CELF2: variants seen among roughly 807,000 people sequenced by gnomAD.
The protein encoded by CELF2 is CUG triplet repeat RNA-binding protein 2.
In CELF2, 8 loss-of-function variants were observed where a neutral mutation model predicts 62.6. The ratio of observed to expected loss-of-function variants is 0.13; its 90% confidence interval spans 0.07 to 0.23. CELF2 has a LOEUF of 0.23. Ranked by LOEUF, CELF2 falls within the 10% of genes least tolerant of loss-of-function variation. The pLI, the probability that CELF2 is intolerant of heterozygous loss-of-function variation, is 1.00. For synonymous variants in CELF2, 258 were observed against 250.0 expected (o/e 1.03, Z -0.30); for missense variants, 333 against 671.0 (o/e 0.50, Z 5.56).
chr10:10,541,617 T>G, the CELF2 span, among the ~76,000 whole-genome samples: 1 of 152,218 alleles, frequency 6.6e-6, no homozygotes, highest in Admixed American at 6.5e-5. Flanking sequence ...TTTCTAATGT[T>G]GCCATGGTGT....
Position 10,917,490 on chromosome 10 carries a change from C to T in CELF2, c.54-2474C>T, listed in dbSNP as rs115114174. Among the ~76,000 whole-genome samples, 491 of 152,220 alleles carry T rather than the reference C, an allele frequency of 3.2e-3. 4 individuals carry two copies. Among genetic ancestry groups the T allele is most frequent in the African/African-American group, 8.6e-3 (356 of 41,536 alleles). ...AAGTAGCTAGGATTACAGGCAGGCACCATGATGAGCAGCTCATTTTTCAAA... is the reference window on the plus strand; with the variant it reads ...AAGTAGCTAGGATTACAGGCAGGCATCATGATGAGCAGCTCATTTTTCAAA... On this transcript the variant is annotated intron_variant, in intron 1 of 13. Coordinates refer to the CELF2 transcript ENST00000636488.
intron 1 of CELF2, among the ~76,000 whole-genome samples, chr10:10,819,575 C>A (rs532168237): frequency 3.9e-5 from 6 of 152,120 alleles, no homozygotes; most frequent in African/African-American, 1.4e-4. Context: ...ATGGCTTCCA[C>A]GAGACTGGAG....
At chr10:10,791,974 C>G in the CELF2 span, among the ~76,000 whole-genome samples, 3 of 124,676 alleles carry the variant, frequency 2.4e-5, no homozygotes, top group African/African-American at 9.2e-5. Flanking sequence ...GGAAGGGAAT[C>G]GAAGGGAGAA....
At chr10:10,686,316 G>GGGC in the CELF2 span, among the ~76,000 whole-genome samples, 1 of 70,510 alleles carries the variant, frequency 1.4e-5, no homozygotes, top group African/African-American at 5.7e-5. Context: ...TTTTTGGGGG[G>GGGC]GGGGGTGGGG....
the CELF2 span, among the ~76,000 whole-genome samples, chr10:10,631,731 G>A: frequency 6.6e-6 from 1 of 151,634 alleles, no homozygotes. Flanking sequence ...GTTCTTAGCA[G>A]GAAAAATTTC....
At chr10:11,175,444 A>G (rs755706409) in intron 2 of CELF2, among the ~76,000 whole-genome samples, 4 of 152,248 alleles carry the variant, frequency 2.6e-5, no homozygotes, top group Non-Finnish European at 5.9e-5. Context: ...GAAGCTATAT[A>G]TAGATAAGTT....
At chr10:10,923,441 G>A (rs1322474715) in intron 2 of CELF2, among the ~76,000 whole-genome samples, 1 of 152,180 alleles carries the variant, frequency 6.6e-6, no homozygotes, top group Non-Finnish European at 1.5e-5. Flanking sequence ...AAGCACTCCG[G>A]CCACTGGTGG....
intron 1 of CELF2, among the ~76,000 whole-genome samples, chr10:11,057,540 G>A (rs1320406881): frequency 2.0e-5 from 3 of 152,164 alleles, no homozygotes; most frequent in South Asian, 2.1e-4. Context: ...CGGCCTTGTG[G>A]GGGAGGATAG....
rs141643248 is a variant in CELF2, at chr10:11,242,917, G to A, written c.355-6236G>A. On this transcript the variant is annotated intron_variant, in intron 3 of 12. Transcript: ENST00000633077. This position sits in a 1 kb window ranked among gnomAD's most constrained non-coding sequence, Gnocchi z 4.8. ...ACCAACAGATGGCTCCTACCAGGGC[G>A]ACAGGGACGGAGGCGCCGGTGGCAA... is the stretch of plus-strand genomic sequence containing the variant. 8.3e-4 allele frequency among the ~76,000 whole-genome samples: 127 copies of A among 152,306 alleles called. No individual in the cohort carries two copies. The highest frequency in any genetic ancestry group is 2.8e-3 in the African/African-American group (118 of 41,562).
rs1376056438 is a variant in CELF2 at position 11,300,417 on chromosome 10, C to T, written c.976+11865C>T. Among the ~76,000 whole-genome samples the T allele has an allele frequency of 6.6e-6, 1 of 152,190 alleles. No homozygotes were observed. Among genetic ancestry groups the T allele is most frequent in the Non-Finnish European group, 1.5e-5 (1 of 68,036 alleles). Reference sequence around the variant, plus strand: ...CAGCTTCCTTGGGAAGCAGAACTGGCAGCAGAAGAGAGGGGCACCAATGTC... The same window carrying T: ...CAGCTTCCTTGGGAAGCAGAACTGGTAGCAGAAGAGAGGGGCACCAATGTC... On this transcript the variant is annotated intron_variant, in intron 9 of 12. Transcript: ENST00000633077. This position sits in a 1 kb window ranked among gnomAD's most constrained non-coding sequence, Gnocchi z 5.5.
At chr10:10,570,991 T>G in the CELF2 span, among the ~76,000 whole-genome samples, 1 of 152,072 alleles carries the variant, frequency 6.6e-6, no homozygotes, top group African/African-American at 2.4e-5. Context: ...TGAGTTGTAA[T>G]TAAATAAAAG....
At chr10:10,639,508 A>T in the CELF2 span, among the ~76,000 whole-genome samples, 1 of 152,176 alleles carries the variant, frequency 6.6e-6, no homozygotes, top group Non-Finnish European at 1.5e-5. Flanking sequence ...GCAAATATTA[A>T]ATTCGCTTGT....
At chr10:11,115,482 A>T (rs549897577) in intron 1 of CELF2, among the ~76,000 whole-genome samples, 71 of 152,172 alleles carry the variant, frequency 4.7e-4, no homozygotes, top group Non-Finnish European at 1.6e-4. Flanking sequence ...AGTCATAGGG[A>T]TCCATTATCC....
intron 1 of CELF2, among the ~76,000 whole-genome samples, chr10:10,888,305 C>T (rs1329994126): frequency 6.6e-6 from 1 of 152,176 alleles, no homozygotes; most frequent in South Asian, 2.1e-4. Flanking sequence ...GAAATTTAAT[C>T]GTGCACGCAG....
the CELF2 span, among the ~76,000 whole-genome samples, chr10:10,635,894 T>C: frequency 6.6e-6 from 1 of 152,260 alleles, no homozygotes; most frequent in African/African-American, 2.4e-5. Flanking sequence ...ACTGTGATAC[T>C]GTAATTACTG....
chr10:11,055,237 A>C (rs983783778), intron 1 of CELF2, among the ~76,000 whole-genome samples: 14 of 152,242 alleles, frequency 9.2e-5, no homozygotes, highest in African/African-American at 3.4e-4. Context: ...GGTGAAAGAC[A>C]AATACACATT....
At chr10:11,057,927 C>A (rs1342879498) in intron 1 of CELF2, among the ~76,000 whole-genome samples, 2 of 152,050 alleles carry the variant, frequency 1.3e-5, no homozygotes, top group Non-Finnish European at 2.9e-5. Context: ...CTACTGTTAG[C>A]AAGACATGTT....
At chr10:10,964,013 G>T (rs2049845501) in intron 2 of CELF2, among the ~76,000 whole-genome samples, 1 of 152,084 alleles carries the variant, frequency 6.6e-6, no homozygotes, top group Non-Finnish European at 1.5e-5. Flanking sequence ...CACTCAGCCT[G>T]AAAACATAAA....
intron 1 of CELF2, among the ~76,000 whole-genome samples, chr10:11,111,265 C>T (rs1208156224): frequency 1.3e-5 from 2 of 152,132 alleles, no homozygotes; most frequent in Non-Finnish European, 1.5e-5. Flanking sequence ...ATAGGCAAAT[C>T]GACCAAACAA....
Sources: allele counts gnomAD v4.1 joint callset (sites outside exome capture counted in the v4.1 genomes callset), GRCh38; gene constraint gnomAD v4.1.1; non-coding constraint Gnocchi (gnomAD v3.1); transcripts MANE v1.5; gene names NCBI Gene and HGNC (gene_info 2026-07-23, HGNC 2026-07-21).